The following ACTN1 variants were observed in gnomAD, a reference collection of about 807,000 sequenced individuals.
The protein encoded by ACTN1 is actinin alpha 1, also known as alpha-actinin-1.
Under a neutral mutation model 119.6 loss-of-function variants are expected in ACTN1, and 30 were observed. The ratio of observed to expected loss-of-function variants is 0.25; its 90% CI spans 0.19 to 0.34. The LOEUF (loss-of-function observed/expected upper bound fraction) is 0.34. Ranked by LOEUF, ACTN1 falls within the 10% of genes least tolerant of loss-of-function variation. The pLI, the probability that ACTN1 is intolerant of heterozygous loss-of-function variation, is 1.00. For missense variants in ACTN1, 764 were observed against 1,223.4 expected (o/e 0.62, Z 5.60); for synonymous variants, 429 against 472.6 (o/e 0.91, Z 1.20).
At chr14:68,920,970 A>G (rs1201598987) in intron 3 of ACTN1, 36 bp downstream of exon 3, 1 of 1,609,882 alleles carries the variant, frequency 6.2e-7, no homozygotes, top group Non-Finnish European at 8.5e-7. Context: ...GACAAAGAAA[A>G]TCAGGCTCCT....
chr14:68,879,164 GAGACACAGGGACAGGCATGCGGAGGGA>G lies in ACTN1; in HGVS notation c.2281-122_2281-96del. On this transcript the variant is annotated intron_variant, in intron 18 of 21. Coordinates refer to ENST00000394419, the MANE Select transcript of ACTN1 (RefSeq NM_001130004.2). The surrounding 1 kb of genome is among the most constrained non-coding windows in gnomAD (Gnocchi z 4.9). ...CCCGGGGGAGGGTGGCGTGTGTGGG[GAGACACAGGGACAGGCATGCGGAGGGA>G]GGGTGGGGGGGCGGGGGAGGAGGGG... 1 of 605,696 alleles carries G rather than the reference GAGACACAGGGACAGGCATGCGGAGGGA, an allele frequency of 1.7e-6. No homozygotes were observed. The highest frequency in any genetic ancestry group is 2.4e-6 in the Non-Finnish European group (1 of 409,782). 37.5% of individuals were successfully genotyped at this position (605,696 alleles called of 1,614,324 possible).
chr14:68,969,082 G>A (rs1020407100), intron 1 of ACTN1, among the ~76,000 whole-genome samples: 3 of 152,164 alleles, frequency 2.0e-5, no homozygotes, highest in Non-Finnish European at 4.4e-5. Context: ...GGTGGCACAC[G>A]GGCCCACTAT....
rs972016343 is a variant in ACTN1, at chr14:68,936,645, T to C, written c.106-10973A>G. 6 of 610,472 alleles carry C rather than the reference T, an allele frequency of 9.8e-6. No individual in the cohort carries two copies. The African/African-American group carries it at 1.1e-4, about 11-fold the overall frequency. The allele number at this position is 610,472 out of a possible 1,614,324, so 37.8% of individuals were successfully genotyped here. ...CACCGAGAGTTCGTGGCAGAGCCCA[T>C]GGGGGAAGAGCCAGTGGGGAGCCTG... On this transcript the variant is annotated intron_variant, in intron 1 of 21. Coordinates refer to ENST00000394419, the MANE Select transcript of ACTN1 (RefSeq NM_001130004.2).
rs2140302018 is a variant in ACTN1 at position 68,912,185 on chromosome 14, C to T, written c.398G>A (p.Arg133His). 1.9e-6 allele frequency: 3 copies of T among 1,614,114 alleles called. No homozygotes were observed. The highest frequency in any genetic ancestry group is 2.5e-6 in the Non-Finnish European group (3 of 1,180,020). The change falls in exon 4 of 22, where the codon CGC becomes CAC. Residue 133 changes from arginine (R) to histidine (H), a missense_variant. Around this residue, in one of 4 missense-constraint regions of ACTN1, gnomAD observed 54 missense variants for 153.2 expected, o/e 0.35. Transcript: ENST00000394419. ...CACGGAGATGTCCTGGATGGCAAAG[C>T]GCAGGATGATGGTCCAGATCATGCC... ...TLGMIWTIILRFAIQDISVEE... is the reference protein window; with the variant it reads ...TLGMIWTIILHFAIQDISVEE...
In ACTN1 at chr14:68,979,105, T is replaced by C. The variant is rs200880194; in HGVS notation, c.-49A>G. 6.7e-4 allele frequency: 765 copies of C among 1,141,462 alleles called. 1 individual carries two copies. The highest frequency in any genetic ancestry group is 1.2e-4 in the East Asian group (2 of 16,664). 70.7% of individuals were successfully genotyped at this position (1,141,462 alleles called of 1,614,324 possible). On this transcript the variant is annotated 5_prime_UTR_variant, in exon 1 of 22. Coordinates refer to ENST00000394419, the MANE Select transcript of ACTN1 (RefSeq NM_001130004.2). ...TGGATTTCTTCCTCCACCTTCTCTC[T>C]GAGCAACGGCTGCTGCCCTGGCGTG...
intron 2 of ACTN1, among the ~76,000 whole-genome samples, chr14:68,922,203 C>T (rs1257148962): frequency 6.6e-6 from 1 of 152,204 alleles, no homozygotes; most frequent in Non-Finnish European, 1.5e-5. Context: ...AGCAGGTCGA[C>T]AATCTGGCTG....
intron 3 of ACTN1, among the ~76,000 whole-genome samples, chr14:68,914,939 C>T (rs1405748557): frequency 6.6e-6 from 1 of 152,176 alleles, no homozygotes; most frequent in African/African-American, 2.4e-5. Context: ...CCACAAGGAG[C>T]ACGCATTTTA....
chr14:68,958,053 C>T (rs1374236952), intron 1 of ACTN1, among the ~76,000 whole-genome samples: 2 of 152,174 alleles, frequency 1.3e-5, no homozygotes, highest in African/African-American at 4.8e-5. Context: ...GCGCATCAGC[C>T]CGGGGTCCCG....
intron 11 of ACTN1, chr14:68,888,224 C>T: frequency 2.5e-6 from 1 of 402,966 alleles, no homozygotes; most frequent in Non-Finnish European, 4.6e-6. Flanking sequence ...ATGGAATTCC[C>T]AGGTCAGAGT....
At chr14:68,887,831 C>G (rs2032146649) in intron 11 of ACTN1, 1 of 852,148 alleles carries the variant, frequency 1.2e-6, no homozygotes, top group Non-Finnish European at 2.0e-6. Flanking sequence ...AGAGGCTGGA[C>G]TCTCCTCACT....
intron 8 of ACTN1, among the ~76,000 whole-genome samples, chr14:68,895,135 T>C (rs1199172183): frequency 2.6e-5 from 4 of 151,756 alleles, no homozygotes; most frequent in Admixed American, 6.6e-5. Flanking sequence ...TCAGAATGGG[T>C]TGGGAGAACC....
Position 68,979,175 on chromosome 14 carries a change from T to G in ACTN1, c.-119A>C. On this transcript the variant is annotated 5_prime_UTR_variant, in exon 1 of 22. Coordinates refer to ENST00000394419, the MANE Select transcript of ACTN1 (RefSeq NM_001130004.2). ...CTGGGCTGGGCTGGCGGGGCCGGGC[T>G]CGCTCCCCTGCGCCCGGTTCCGCCG... is the stretch of plus-strand genomic sequence containing the variant. 5 of 560,406 alleles carry G rather than the reference T, an allele frequency of 8.9e-6. No homozygotes were observed. Among genetic ancestry groups the G allele is most frequent in the Non-Finnish European group, 8.8e-6 (3 of 340,182 alleles). The allele number at this position is 560,406 out of a possible 1,614,324, so 34.7% of individuals were successfully genotyped here. A position where few individuals can be genotyped will look rare whatever the true frequency, so the allele number is the denominator to read the frequency against.
At chr14:68,888,133 C>A in intron 11 of ACTN1, 1 of 578,390 alleles carries the variant, frequency 1.7e-6, no homozygotes, top group Non-Finnish European at 3.2e-6. Context: ...CCGCGGCATG[C>A]TGACAGCCTT....
In ACTN1 at chr14:68,878,669, TAGG is replaced by T; in HGVS notation, c.2362-149_2362-147del. On this transcript the variant is annotated intron_variant, in intron 19 of 21. Transcript: ENST00000394419. The surrounding 1 kb of genome is among the most constrained non-coding windows in gnomAD (Gnocchi z 4.4). ...GGGGGTCAGGATAGGTAAAGGAACA[TAGG>T]AGAAGATGCGAACACACATCGGTGG... 2 of 1,542,366 alleles carry T rather than the reference TAGG, an allele frequency of 1.3e-6. No homozygotes were observed. Among genetic ancestry groups the T allele is most frequent in the Non-Finnish European group, 1.7e-6 (2 of 1,147,270 alleles).
intron 11 of ACTN1, chr14:68,888,259 A>C (rs2032188508): frequency 2.9e-6 from 1 of 340,106 alleles, no homozygotes; most frequent in Non-Finnish European, 5.6e-6. Flanking sequence ...AGAACTGAAT[A>C]CATGTGGCCA....
intron 8 of ACTN1, among the ~76,000 whole-genome samples, chr14:68,894,371 G>A (rs1053330109): frequency 2.0e-5 from 3 of 152,180 alleles, no homozygotes; most frequent in African/African-American, 7.2e-5. Flanking sequence ...AGCAAACCCA[G>A]CACAGGCCTC....
chr14:68,885,615 A>T lies in ACTN1; in HGVS notation c.1235-40T>A. 1 of 1,602,216 alleles carries T rather than the reference A, an allele frequency of 6.2e-7. No homozygotes were observed. Among genetic ancestry groups the T allele is most frequent in the Non-Finnish European group, 8.5e-7 (1 of 1,177,018 alleles). Reference sequence around the variant, plus strand: ...GGCCACATGGCTGAGCTGGAGTGAGAAGCATCTCCTTGGTCCCAACCGCCC... The same window carrying T: ...GGCCACATGGCTGAGCTGGAGTGAGTAGCATCTCCTTGGTCCCAACCGCCC... On this transcript the variant is annotated intron_variant, in intron 11 of 21. Coordinates refer to ENST00000394419, the MANE Select transcript of ACTN1 (RefSeq NM_001130004.2). This position sits in a 1 kb window ranked among gnomAD's most constrained non-coding sequence, Gnocchi z 5.6.
At chr14:68,951,178 T>TGA (rs1206773476) in intron 1 of ACTN1, among the ~76,000 whole-genome samples, 1 of 152,162 alleles carries the variant, frequency 6.6e-6, no homozygotes. Context: ...GGCAGGCTCC[T>TGA]CCCTGGGCCC....
Position 68,979,160 on chromosome 14 carries a change from C to T in ACTN1, c.-104G>A. The stretch of plus-strand genomic sequence containing the variant: ...GGGAGTAGGGCTGGGCTGGGCTGGG[C>T]TGGCGGGGCCGGGCTCGCTCCCCTG... On this transcript the variant is annotated 5_prime_UTR_variant, in exon 1 of 22. Transcript: ENST00000394419. 1.6e-6 allele frequency: 1 copy of T among 638,176 alleles called. No homozygotes were observed. The highest frequency in any genetic ancestry group is 2.9e-5 in the Admixed American group (1 of 34,588). The allele number at this position is 638,176 out of a possible 1,614,324, so 39.5% of individuals were successfully genotyped here.
Sources: gnomAD v4.1 joint callset for allele counts (sites outside exome capture counted in the v4.1 genomes callset) on GRCh38, gnomAD v4.1.1 for gene constraint, gnomAD v4.1.1 regional missense constraint, Gnocchi (gnomAD v3.1) non-coding constraint, MANE v1.5 for transcripts, NCBI Gene and HGNC (gene_info 2026-07-23, HGNC 2026-07-21) for gene names.